BCAS3: variants seen among roughly 807,000 people sequenced by gnomAD.
BCAS3 encodes the protein BCAS4/BCAS3 fusion.
In BCAS3, 53 loss-of-function variants were observed where a neutral mutation model predicts 116.1. The observed-to-expected ratio is 0.46, with a 90% CI of 0.37 to 0.57. The LOEUF (loss-of-function observed/expected upper bound fraction) is 0.57. Ranked by LOEUF, BCAS3 falls within the 20% of genes least tolerant of loss-of-function variation. BCAS3 has a pLI of 0.00. For missense variants in BCAS3, 917 were observed against 1,165.4 expected (o/e 0.79, Z 3.10); for synonymous variants, 391 against 408.2 (o/e 0.96, Z 0.51).
chr17:61,163,794 T>G (rs8073894), intron 22 of BCAS3, among the ~76,000 whole-genome samples: 1 of 151,714 alleles, frequency 6.6e-6, no homozygotes, highest in Non-Finnish European at 1.5e-5. Flanking sequence ...CGAGACCAGC[T>G]TGACCAACAT....
chr17:60,953,595 CT>C (rs2060960892), intron 14 of BCAS3, among the ~76,000 whole-genome samples: 1 of 152,008 alleles, frequency 6.6e-6, no homozygotes, highest in Non-Finnish European at 1.5e-5. Flanking sequence ...TCAATTTTTG[CT>C]TTTGTTGTGA....
At chr17:60,733,579 G>A (rs935156967) in intron 5 of BCAS3, among the ~76,000 whole-genome samples, 5 of 152,158 alleles carry the variant, frequency 3.3e-5, no homozygotes, top group South Asian at 4.1e-4. Flanking sequence ...GGTAGCTGAC[G>A]TCTATAATCC....
At chr17:60,848,297 G>A (rs963571585) in intron 7 of BCAS3, among the ~76,000 whole-genome samples, 1 of 152,084 alleles carries the variant, frequency 6.6e-6, no homozygotes, top group African/African-American at 2.4e-5. Flanking sequence ...TTACATTTGT[G>A]TTTAGGATTG....
At chr17:61,359,269 C>T (rs1191333947) in intron 22 of BCAS3, among the ~76,000 whole-genome samples, 1 of 152,076 alleles carries the variant, frequency 6.6e-6, no homozygotes, top group African/African-American at 2.4e-5. Context: ...TTTGAATGGG[C>T]CTGTGTAGCT....
intron 10 of BCAS3, 150 bp from the exon 11 acceptor site, chr17:60,902,470 C>T: frequency 1.5e-6 from 1 of 648,642 alleles, no homozygotes. Flanking sequence ...CTCGGCAAAG[C>T]TTTTAGCTGT....
intron 19 of BCAS3, among the ~76,000 whole-genome samples, chr17:61,055,446 A>G (rs1416805499): frequency 2.0e-5 from 3 of 152,218 alleles, no homozygotes; most frequent in African/African-American, 7.2e-5. Context: ...TAAAAGCCTG[A>G]ATGACCAATC....
intron 7 of BCAS3, among the ~76,000 whole-genome samples, chr17:60,860,430 C>T (rs2054057723): frequency 6.6e-6 from 1 of 152,100 alleles, no homozygotes. Context: ...TGTCCTTCTG[C>T]AGGTTGTTTG....
rs34510277 is a variant in BCAS3, at chr17:61,368,487, C to T, written c.2586C>T (p.Ser862=). Residue 862 remains serine, a synonymous_variant, in exon 23 of 24, where the codon TCC becomes TCT. Transcript: ENST00000407086. This position sits in a 1 kb window ranked among gnomAD's most constrained non-coding sequence, Gnocchi z 6.0. Reference sequence around the variant, plus strand: ...CACCTAGCCGGGACGTCGTGGGATCCGGAACAGGTAAAGGTGTCATCAGAC... The same window carrying T: ...CACCTAGCCGGGACGTCGTGGGATCTGGAACAGGTAAAGGTGTCATCAGAC... ...AESPSRDVVG[S]GTELQREGSI... 25 of 1,604,128 alleles carry T rather than the reference C, an allele frequency of 1.6e-5. No individual in the cohort carries two copies. Among genetic ancestry groups the T allele is most frequent in the Middle Eastern group, 1.7e-4 (1 of 6,058 alleles).
intron 5 of BCAS3, among the ~76,000 whole-genome samples, chr17:60,730,147 T>C (rs1415279168): frequency 6.6e-6 from 1 of 152,224 alleles, no homozygotes; most frequent in East Asian, 1.9e-4. Context: ...TGAAGGAACA[T>C]GTGAGTTCAA....
Position 61,286,904 on chromosome 17 carries a change from G to GC in BCAS3, c.2426-81421dup, listed in dbSNP as rs923071468. Among the ~76,000 whole-genome samples the GC allele has an allele frequency of 6.6e-6, 1 of 152,124 alleles. No homozygotes were observed. Among genetic ancestry groups the GC allele is most frequent in the African/African-American group, 2.4e-5 (1 of 41,432 alleles). Reference sequence around the variant, plus strand: ...TGAAACTTTATGGGCCACCTACTGAGCCAGACACCAGAGATGCAACTAGAA... The same window carrying GC: ...TGAAACTTTATGGGCCACCTACTGAGCCCAGACACCAGAGATGCAACTAGAA... On this transcript the variant is annotated intron_variant, in intron 22 of 23. Transcript: ENST00000407086. This position sits in a 1 kb window ranked among gnomAD's most constrained non-coding sequence, Gnocchi z 4.8.
intron 22 of BCAS3, among the ~76,000 whole-genome samples, chr17:61,148,514 A>G (rs2191165): frequency 0.66 from 100,800 of 152,112 alleles, 39,163 homozygotes; most frequent in South Asian, 0.96. Context: ...AACTGCAGAA[A>G]TGTGGGCTCC....
At position 61,139,655 on chromosome 17, in the gene BCAS3, C is replaced by T. The variant is rs2076820235; in HGVS notation, c.2425+55091C>T. On this transcript the variant is annotated intron_variant, in intron 22 of 23. Coordinates refer to ENST00000407086, the MANE Select transcript of BCAS3 (RefSeq NM_017679.5). This position sits in a 1 kb window ranked among gnomAD's most constrained non-coding sequence, Gnocchi z 4.7. ...TAGAACTCATACATGCAGTATAGTT[C>T]AGTGCGATTAAAAGTCATCATGCTA... Among the ~76,000 whole-genome samples the T allele has an allele frequency of 6.6e-6, 1 of 152,068 alleles. No homozygotes were observed. The highest frequency in any genetic ancestry group is 1.5e-5 in the Non-Finnish European group (1 of 68,018).
At chr17:60,812,219 T>C (rs369207110) in intron 7 of BCAS3, among the ~76,000 whole-genome samples, 8 of 152,210 alleles carry the variant, frequency 5.3e-5, no homozygotes, top group African/African-American at 1.9e-4. Flanking sequence ...GGAATACTTT[T>C]CTCTCTTAAA....
At chr17:61,270,343 G>A (rs1345429359) in intron 22 of BCAS3, among the ~76,000 whole-genome samples, 3 of 149,748 alleles carry the variant, frequency 2.0e-5, no homozygotes, top group Non-Finnish European at 4.5e-5. Context: ...GGCTGGTCTC[G>A]AACTCCTGGC....
At chr17:60,882,191 A>AT (rs1186352779) in intron 9 of BCAS3, among the ~76,000 whole-genome samples, 3 of 152,212 alleles carry the variant, frequency 2.0e-5, no homozygotes, top group African/African-American at 7.2e-5. Context: ...CTGATGGCCA[A>AT]TGATGATGAG....
chr17:60,695,077 C>T (rs1490424386), intron 4 of BCAS3, among the ~76,000 whole-genome samples: 3 of 150,224 alleles, frequency 2.0e-5, no homozygotes, highest in Non-Finnish European at 4.4e-5. Context: ...AATTTTCTTC[C>T]TTTTTAAGGC....
intron 14 of BCAS3, among the ~76,000 whole-genome samples, chr17:60,975,290 C>T (rs2062260139): frequency 6.6e-6 from 1 of 152,146 alleles, no homozygotes; most frequent in African/African-American, 2.4e-5. Context: ...CGTGAGCCAC[C>T]GCGCCCGGCC....
intron 22 of BCAS3, among the ~76,000 whole-genome samples, chr17:61,223,439 G>A (rs1199309517): frequency 6.6e-6 from 1 of 152,104 alleles, no homozygotes; most frequent in African/African-American, 2.4e-5. Flanking sequence ...GCTTACAGGT[G>A]TGAGCCACCA....
chr17:61,300,266 A>T lies in BCAS3; in HGVS notation c.2426-68061A>T, dbSNP rs1292748017. ...GTTTCACTGTCCCGAGACCCTAAGG[A>T]TGTTTTCGTAGAGCTTTGACCTTGA... On this transcript the variant is annotated intron_variant, in intron 22 of 23. Transcript: ENST00000407086. The surrounding 1 kb of genome is among the most constrained non-coding windows in gnomAD (Gnocchi z 5.1). Among the ~76,000 whole-genome samples, 2 of 152,070 alleles carry T rather than the reference A, an allele frequency of 1.3e-5. No homozygotes were observed. Among genetic ancestry groups the T allele is most frequent in the African/African-American group, 4.8e-5 (2 of 41,382 alleles).
Sources: gnomAD v4.1 joint callset for allele counts (sites outside exome capture counted in the v4.1 genomes callset) on GRCh38, gnomAD v4.1.1 for gene constraint, Gnocchi (gnomAD v3.1) non-coding constraint, MANE v1.5 for transcripts, NCBI Gene and HGNC (gene_info 2026-07-23, HGNC 2026-07-21) for gene names.